The following ADGRL2 variants were observed in gnomAD, a reference collection of about 807,000 sequenced individuals.
ADGRL2 encodes adhesion G protein-coupled receptor L2, also known as calcium-independent alpha-latrotoxin receptor 2.
A neutral mutation model predicts 157.4 loss-of-function variants in ADGRL2; 44 were observed. The ratio of observed to expected loss-of-function variants is 0.28; its 90% CI spans 0.22 to 0.36. The LOEUF is 0.36. Ranked by LOEUF, ADGRL2 falls within the 10% of genes least tolerant of loss-of-function variation. The probability of loss-of-function intolerance (pLI) is 1.00; values close to 1 mark genes in which losing one functional copy is unlikely to be tolerated. For synonymous variants in ADGRL2, 585 were observed against 624.7 expected (o/e 0.94, Z 0.95); for missense variants, 1,510 against 1,768.9 (o/e 0.85, Z 2.63).
intron 3 of ADGRL2, among the ~76,000 whole-genome samples, chr1:81,677,074 CTCCCGGTTTCAGG>C (rs1557558098): frequency 6.6e-6 from 1 of 151,942 alleles, no homozygotes; most frequent in African/African-American, 2.4e-5. Context: ...GCAACTCTGC[CTCCCGGTTTCAGG>C]CAATTCTCCT....
In ADGRL2 at chr1:81,372,514, T is replaced by A. The variant is rs75502920; in HGVS notation, c.-302+66005T>A. Among the ~76,000 whole-genome samples, 440 of 152,328 alleles carry A rather than the reference T, an allele frequency of 2.9e-3. 3 individuals are homozygous for A. Among genetic ancestry groups the A allele is most frequent in the African/African-American group, 0.01 (425 of 41,574 alleles). ...AAAGCTTATCTGTTGCTGGATCGAT[T>A]GATTATAATTCAGCATAAGTAAGTT... is the stretch of plus-strand genomic sequence containing the variant. On this transcript the variant is annotated intron_variant, in intron 1 of 24. Coordinates refer to the ADGRL2 transcript ENST00000370721.
chr1:81,750,793 G>A (rs1201754552), intron 1 of ADGRL2, among the ~76,000 whole-genome samples: 1 of 152,100 alleles, frequency 6.6e-6, no homozygotes, highest in Non-Finnish European at 1.5e-5. Context: ...TGGAAATGGA[G>A]GAAGCAGTGT....
chr1:81,525,026 G>A (rs543671710), intron 2 of ADGRL2, among the ~76,000 whole-genome samples: 1 of 152,236 alleles, frequency 6.6e-6, no homozygotes, highest in East Asian at 1.9e-4. Flanking sequence ...AGGGGACAGA[G>A]GTAAAAAGAG....
At chr1:81,446,300 T>C (rs916468887) in intron 2 of ADGRL2, among the ~76,000 whole-genome samples, 6 of 152,048 alleles carry the variant, frequency 3.9e-5, no homozygotes, top group South Asian at 2.1e-4. Context: ...CAAACATCAA[T>C]TGGCATAGAG....
chr1:81,318,614 C>T (rs890571446), intron 1 of ADGRL2, among the ~76,000 whole-genome samples: 2 of 152,088 alleles, frequency 1.3e-5, no homozygotes, highest in Non-Finnish European at 2.9e-5. Flanking sequence ...CAAAAGTAAC[C>T]ATGATAGTAA....
At chr1:81,802,615 T>C (rs2088415165) in intron 1 of ADGRL2, among the ~76,000 whole-genome samples, 1 of 152,104 alleles carries the variant, frequency 6.6e-6, no homozygotes, top group Admixed American at 6.5e-5. Context: ...CCGCCCGTCC[T>C]TTCACTGGGG....
chr1:81,826,481 G>T lies in ADGRL2; in HGVS notation c.-100-10404G>T, dbSNP rs1391472604. 2.0e-5 allele frequency among the ~76,000 whole-genome samples: 3 copies of T among 152,204 alleles called. No homozygotes were observed. In the East Asian group the frequency reaches 5.8e-4, roughly 29 times the overall value. On this transcript the variant is annotated intron_variant, in intron 1 of 23. Coordinates refer to ENST00000686636, the MANE Select transcript of ADGRL2 (RefSeq NM_001366006.2). ...TATTAAGCCTGAATTGTGTGAAATT[G>T]TGTGTGCATAAGCTGCAACTTAGAC...
At chr1:81,816,189 A>C in intron 1 of ADGRL2, among the ~76,000 whole-genome samples, 1 of 151,822 alleles carries the variant, frequency 6.6e-6, no homozygotes, top group East Asian at 1.9e-4. Context: ...TCACCATAAT[A>C]TTAGCTTTTA....
intron 3 of ADGRL2, among the ~76,000 whole-genome samples, chr1:81,593,934 A>T (rs979419449): frequency 3.3e-5 from 5 of 152,204 alleles, no homozygotes; most frequent in African/African-American, 1.2e-4. Context: ...CACAAGCAAG[A>T]AGCTTCGGAG....
At chr1:81,432,768 A>C in intron 1 of ADGRL2, among the ~76,000 whole-genome samples, 1 of 152,060 alleles carries the variant, frequency 6.6e-6, no homozygotes. Context: ...TGGATTGTAT[A>C]ATCATCTGAC....
intron 2 of ADGRL2, among the ~76,000 whole-genome samples, chr1:81,868,061 G>A (rs576809587): frequency 0.046 from 283 of 6,112 alleles, 2 homozygotes; most frequent in Middle Eastern, 0.25. Context: ...TGTGTGTGTG[G>A]TGTGTGTGTG....
intron 1 of ADGRL2, among the ~76,000 whole-genome samples, chr1:81,320,733 A>G (rs1003372387): frequency 1.3e-5 from 2 of 152,238 alleles, no homozygotes; most frequent in Non-Finnish European, 2.9e-5. Context: ...ACATGCTGTC[A>G]TCCAGGCTTT....
intron 2 of ADGRL2, among the ~76,000 whole-genome samples, chr1:81,905,947 A>AGAGTGT (rs150803524): frequency 1.1e-4 from 16 of 144,582 alleles, no homozygotes; most frequent in African/African-American, 3.8e-4. Flanking sequence ...AAAAAAGCAG[A>AGAGTGT]GTGTGTGTGT....
intron 1 of ADGRL2, among the ~76,000 whole-genome samples, chr1:81,323,839 C>A (rs567785244): frequency 6.6e-6 from 1 of 151,788 alleles, no homozygotes; most frequent in Non-Finnish European, 1.5e-5. Flanking sequence ...ATTAAGAGAC[C>A]CTTAAAGTAG....
At chr1:81,384,747 G>A (rs1393302021) in intron 1 of ADGRL2, among the ~76,000 whole-genome samples, 3 of 152,048 alleles carry the variant, frequency 2.0e-5, no homozygotes, top group Non-Finnish European at 4.4e-5. Flanking sequence ...AAGTAACAAC[G>A]TATCCACAAT....
At chr1:81,797,234 G>C (rs1557659012), upstream of ADGRL2, among the ~76,000 whole-genome samples, 1 of 152,126 alleles carries the variant, frequency 6.6e-6, no homozygotes, top group African/African-American at 2.4e-5. Flanking sequence ...TTCTGAATTA[G>C]AAATGAGAGT....
intron 1 of ADGRL2, among the ~76,000 whole-genome samples, chr1:81,806,765 G>T (rs967001382): frequency 1.3e-5 from 2 of 151,824 alleles, no homozygotes; most frequent in African/African-American, 4.8e-5. Context: ...AATCCATACC[G>T]CTTGCCCAAT....
intron 1 of ADGRL2, among the ~76,000 whole-genome samples, chr1:81,393,243 C>T (rs556103918): frequency 4.0e-5 from 6 of 151,446 alleles, no homozygotes; most frequent in South Asian, 4.2e-4. Flanking sequence ...TCTCAGCAAG[C>T]GATATTTAAA....
At chr1:81,466,715 T>TTC (rs1477261810) in intron 2 of ADGRL2, among the ~76,000 whole-genome samples, 1 of 152,108 alleles carries the variant, frequency 6.6e-6, no homozygotes, top group Non-Finnish European at 1.5e-5. Flanking sequence ...TCTTTTTGTT[T>TTC]TCAATTGATA....
Sources: gnomAD v4.1 joint callset for allele counts (sites outside exome capture counted in the v4.1 genomes callset) on GRCh38, gnomAD v4.1.1 for gene constraint, MANE v1.5 for transcripts, NCBI Gene and HGNC (gene_info 2026-07-23, HGNC 2026-07-21) for gene names.